The following DSCAM variants were observed in gnomAD, a reference collection of about 807,000 sequenced individuals.
DSCAM encodes the protein DS cell adhesion molecule, also known as cell adhesion molecule DSCAM.
Under a neutral mutation model 217.7 loss-of-function variants are expected in DSCAM, and 47 were observed. That is an observed-to-expected ratio of 0.22 (90% CI 0.17 to 0.28). The LOEUF (loss-of-function observed/expected upper bound fraction) is 0.28. Among genes scored for constraint, DSCAM ranks in the 10% least tolerant of loss-of-function variants. The pLI, the probability that DSCAM is intolerant of heterozygous loss-of-function variation, is 1.00. For missense variants in DSCAM, 2,080 were observed against 2,618.3 expected (o/e 0.79, Z 4.49); for synonymous variants, 1,056 against 1,015.3 (o/e 1.04, Z -0.76).
intron 11 of DSCAM, among the ~76,000 whole-genome samples, chr21:40,220,748 A>G (rs2837512): frequency 2.6e-5 from 4 of 151,918 alleles, no homozygotes. Context: ...GACACAATTT[A>G]TTTCCTTGTA....
At chr21:40,378,975 G>T (rs894546785) in intron 3 of DSCAM, among the ~76,000 whole-genome samples, 3 of 152,142 alleles carry the variant, frequency 2.0e-5, no homozygotes, top group African/African-American at 7.2e-5. Context: ...ATACTCTGCA[G>T]TTACATAAAA....
intron 3 of DSCAM, among the ~76,000 whole-genome samples, chr21:40,398,395 C>T (rs1234331939): frequency 6.6e-6 from 1 of 152,126 alleles, no homozygotes; most frequent in African/African-American, 2.4e-5. Flanking sequence ...TCACTCACAC[C>T]ATTCATTTCC....
intron 3 of DSCAM, among the ~76,000 whole-genome samples, chr21:40,500,618 C>G (rs935161422): frequency 2.0e-5 from 3 of 152,174 alleles, no homozygotes; most frequent in Non-Finnish European, 4.4e-5. Context: ...AGAGATGGCA[C>G]CTTCAAGCTC....
intron 3 of DSCAM, among the ~76,000 whole-genome samples, chr21:40,539,246 G>T (rs11700566): frequency 0.2 from 30,453 of 151,882 alleles, 3,426 homozygotes; most frequent in East Asian, 0.35. Context: ...GGCTCACGCT[G>T]GTAATCCCAG....
intron 1 of DSCAM, among the ~76,000 whole-genome samples, chr21:40,772,501 TCA>T (rs2091453979): frequency 6.6e-6 from 1 of 152,304 alleles, no homozygotes; most frequent in East Asian, 1.9e-4. Context: ...CTCTTTCCTC[TCA>T]GTTATAGGCA....
intron 3 of DSCAM, among the ~76,000 whole-genome samples, chr21:40,439,631 G>C (rs1002024094): frequency 3.9e-5 from 6 of 152,104 alleles, no homozygotes; most frequent in Non-Finnish European, 8.8e-5. Context: ...TTACAATGCT[G>C]ATAAAGACAT....
In DSCAM at chr21:40,078,862, C is replaced by G. The variant is rs1485198077; in HGVS notation, c.4536G>C (p.Glu1512Asp). 6.2e-7 allele frequency: 1 copy of G among 1,614,102 alleles called. No individual in the cohort carries two copies. The highest frequency in any genetic ancestry group is 8.5e-7 in the Non-Finnish European group (1 of 1,180,054). Residue 1512 changes from glutamate (E) to aspartate (D), a missense_variant, in exon 26 of 33, where the codon GAG becomes GAC. Around this residue, in one of 5 missense-constraint regions of DSCAM, gnomAD observed 1,144 missense variants for 1,421.1 expected, o/e 0.81. Transcript: ENST00000400454. ...AAACTGTGGTCCCAAAGGGCCTGTA[C>G]TCTAGTGTGAAGGAGGTGATGGGGC... is the stretch of plus-strand genomic sequence containing the variant. Reference protein sequence around the residue: ...GGCPITSFTLEYRPFGTTVWT... With the variant: ...GGCPITSFTLDYRPFGTTVWT...
chr21:40,732,406 T>A (rs1023277461), intron 1 of DSCAM, among the ~76,000 whole-genome samples: 1 of 152,230 alleles, frequency 6.6e-6, no homozygotes, highest in Non-Finnish European at 1.5e-5. Flanking sequence ...CCTTGAAGGT[T>A]GACTCAGCAA....
chr21:40,686,785 CA>C (rs2090483627), intron 3 of DSCAM, among the ~76,000 whole-genome samples: 1 of 152,150 alleles, frequency 6.6e-6, no homozygotes, highest in South Asian at 2.1e-4. Context: ...ACACGACCCC[CA>C]TTCTTGGTGT....
intron 3 of DSCAM, among the ~76,000 whole-genome samples, chr21:40,514,531 G>A (rs2076284911): frequency 6.6e-6 from 1 of 152,082 alleles, no homozygotes; most frequent in Admixed American, 6.6e-5. Flanking sequence ...TGCATAAAAT[G>A]GATTATGCAA....
At chr21:40,250,602 T>C (rs1236158724) in intron 11 of DSCAM, among the ~76,000 whole-genome samples, 2 of 152,232 alleles carry the variant, frequency 1.3e-5, no homozygotes, top group Non-Finnish European at 2.9e-5. Flanking sequence ...GGCTTCACTG[T>C]TGCCTCCTTT....
intron 11 of DSCAM, among the ~76,000 whole-genome samples, chr21:40,244,282 C>T (rs190382013): frequency 1.3e-5 from 2 of 152,194 alleles, no homozygotes; most frequent in Admixed American, 1.3e-4. Flanking sequence ...GAAACCCCAT[C>T]TCTACTAAAA....
At chr21:40,635,903 TA>T (rs1281933840) in intron 3 of DSCAM, among the ~76,000 whole-genome samples, 2 of 152,124 alleles carry the variant, frequency 1.3e-5, no homozygotes, top group African/African-American at 2.4e-5. Flanking sequence ...AGGAACAAAG[TA>T]AACTCCTAAA....
intron 3 of DSCAM, among the ~76,000 whole-genome samples, chr21:40,669,336 G>C (rs2090241805): frequency 6.6e-6 from 1 of 152,032 alleles, no homozygotes; most frequent in South Asian, 2.1e-4. Context: ...CTGTGGACTG[G>C]TCTCCACACT....
chr21:40,059,935 A>G (rs1012863963), intron 28 of DSCAM, among the ~76,000 whole-genome samples: 1 of 152,164 alleles, frequency 6.6e-6, no homozygotes, highest in Non-Finnish European at 1.5e-5. Flanking sequence ...GCCATGTCCA[A>G]ATATGGTTGA....
intron 3 of DSCAM, among the ~76,000 whole-genome samples, chr21:40,411,524 G>A (rs2075323306): frequency 6.6e-6 from 1 of 152,046 alleles, no homozygotes; most frequent in Non-Finnish European, 1.5e-5. Flanking sequence ...CATATGCTGT[G>A]TAAAAGAAAC....
chr21:40,015,682 C>T (rs766199498), intron 32 of DSCAM, among the ~76,000 whole-genome samples: 8 of 152,208 alleles, frequency 5.3e-5, no homozygotes, highest in Admixed American at 1.3e-4. Flanking sequence ...AGTGATGCTC[C>T]TGCCTCAGCT....
chr21:40,500,168 G>T (rs2076160067), intron 3 of DSCAM, among the ~76,000 whole-genome samples: 1 of 152,126 alleles, frequency 6.6e-6, no homozygotes, highest in Non-Finnish European at 1.5e-5. Flanking sequence ...AAAGTCTCAG[G>T]ACAACACATG....
At chr21:40,406,300 G>A (rs893922216) in intron 3 of DSCAM, among the ~76,000 whole-genome samples, 2 of 152,224 alleles carry the variant, frequency 1.3e-5, no homozygotes, top group Middle Eastern at 3.4e-3. Context: ...CCACTAGTTG[G>A]TATTTATCCA....
Sources: allele counts gnomAD v4.1 joint callset (sites outside exome capture counted in the v4.1 genomes callset), GRCh38; gene constraint gnomAD v4.1.1; regional missense constraint gnomAD v4.1.1; transcripts MANE v1.5; gene names NCBI Gene and HGNC (gene_info 2026-07-23, HGNC 2026-07-21).